PJA2: variants seen among roughly 807,000 people sequenced by gnomAD.
The protein encoded by PJA2 is praja ring finger ubiquitin ligase 2.
A neutral mutation model predicts 69.3 loss-of-function variants in PJA2; 25 were observed. The observed-to-expected ratio is 0.36, with a 90% confidence interval of 0.26 to 0.50. PJA2 has a LOEUF of 0.50. Ranked by LOEUF, PJA2 falls within the 20% of genes least tolerant of loss-of-function variation. The pLI, the probability that PJA2 is intolerant of heterozygous loss-of-function variation, is 0.96. For missense variants in PJA2, 809 were observed against 830.2 expected, an observed-to-expected ratio of 0.97 and a Z score of 0.31; for synonymous variants, 308 against 277.8, an observed-to-expected ratio of 1.11 and a Z score of -1.08.
At chr5:109,347,748 G>A (rs1762192362) in intron 7 of PJA2, among the ~76,000 whole-genome samples, 1 of 152,208 alleles carries the variant, frequency 6.6e-6, no homozygotes, top group Non-Finnish European at 1.5e-5. Context: ...GGGAAGTAGA[G>A]TGCTCCATCT....
chr5:109,380,894 C>T (rs1271217104), intron 3 of PJA2, among the ~76,000 whole-genome samples: 1 of 151,112 alleles, frequency 6.6e-6, no homozygotes, highest in Non-Finnish European at 1.5e-5. Flanking sequence ...AGGTGGATCA[C>T]TTGAGAGGTC....
At chr5:109,409,542 C>A (rs149289498) in intron 1 of PJA2, among the ~76,000 whole-genome samples, 49 of 152,202 alleles carry the variant, frequency 3.2e-4, no homozygotes, top group African/African-American at 1.1e-3. Context: ...CAGTAAAGAG[C>A]GGCAGCGAAG....
At chr5:109,387,852 C>T (rs1038326784) in intron 1 of PJA2, among the ~76,000 whole-genome samples, 1 of 152,090 alleles carries the variant, frequency 6.6e-6, no homozygotes, top group African/African-American at 2.4e-5. Flanking sequence ...TATTTACATA[C>T]ACTTTGTCTA....
intron 4 of PJA2, among the ~76,000 whole-genome samples, chr5:109,374,562 G>A (rs1450679193): frequency 6.6e-6 from 1 of 152,154 alleles, no homozygotes; most frequent in Non-Finnish European, 1.5e-5. Flanking sequence ...TATTAACAGG[G>A]CACCTGGAAC....
At chr5:109,379,922 A>G (rs1747000487) in intron 3 of PJA2, among the ~76,000 whole-genome samples, 1 of 152,150 alleles carries the variant, frequency 6.6e-6, no homozygotes, top group African/African-American at 2.4e-5. Flanking sequence ...GAGTAAAATC[A>G]TATCTATAAA....
intron 9 of PJA2, among the ~76,000 whole-genome samples, chr5:109,343,921 C>T (rs531372305): frequency 1.3e-5 from 2 of 151,788 alleles, no homozygotes; most frequent in East Asian, 3.9e-4. Flanking sequence ...CATGGCGAAA[C>T]TCTGTCTCTA....
chr5:109,392,145 T>C (rs1042999529), intron 1 of PJA2, among the ~76,000 whole-genome samples: 1 of 152,084 alleles, frequency 6.6e-6, no homozygotes, highest in Non-Finnish European at 1.5e-5. Context: ...ACCAAAGTTA[T>C]CACTAAAAAG....
intron 4 of PJA2, among the ~76,000 whole-genome samples, chr5:109,373,084 A>T (rs957290352): frequency 6.6e-6 from 1 of 151,996 alleles, no homozygotes; most frequent in African/African-American, 2.4e-5. Flanking sequence ...ACAAAGCGAG[A>T]CTGTCTCAAT....
intron 5 of PJA2, among the ~76,000 whole-genome samples, chr5:109,363,301 A>G (rs1762530711): frequency 6.6e-6 from 1 of 152,184 alleles, no homozygotes; most frequent in Non-Finnish European, 1.5e-5. Context: ...TGTAGGAGAA[A>G]CGTAAGAAAA....
chr5:109,346,838 T>A (rs1762178330), intron 7 of PJA2, among the ~76,000 whole-genome samples: 1 of 152,154 alleles, frequency 6.6e-6, no homozygotes, highest in Non-Finnish European at 1.5e-5. Context: ...ACTGTAGCAA[T>A]AGTAAATTTT....
intron 5 of PJA2, among the ~76,000 whole-genome samples, chr5:109,363,332 A>G (rs901174792): frequency 6.6e-6 from 1 of 152,194 alleles, no homozygotes; most frequent in African/African-American, 2.4e-5. Context: ...GACTACTTGA[A>G]TTTTGAAACA....
At chr5:109,399,308 T>C (rs539719139) in intron 1 of PJA2, among the ~76,000 whole-genome samples, 2 of 151,940 alleles carry the variant, frequency 1.3e-5, no homozygotes, top group African/African-American at 2.4e-5. Flanking sequence ...ACAAAGGGCT[T>C]GTGTAACACT....
At chr5:109,396,348 T>C (rs1747407918) in intron 1 of PJA2, among the ~76,000 whole-genome samples, 1 of 151,266 alleles carries the variant, frequency 6.6e-6, no homozygotes, top group Non-Finnish European at 1.5e-5. Context: ...GGCAAAATTA[T>C]ACTGAATGGT....
At chr5:109,386,033 G>C (rs1435598338) in intron 1 of PJA2, among the ~76,000 whole-genome samples, 1 of 151,826 alleles carries the variant, frequency 6.6e-6, no homozygotes, top group Non-Finnish European at 1.5e-5. Flanking sequence ...TCAGATTTTG[G>C]GGCCAGGTGC....
intron 1 of PJA2, among the ~76,000 whole-genome samples, chr5:109,393,569 G>C (rs1334729249): frequency 6.6e-6 from 1 of 151,496 alleles, no homozygotes; most frequent in Non-Finnish European, 1.5e-5. Flanking sequence ...AGGAGTTCGA[G>C]GCTGCAGTGA....
intron 1 of PJA2, among the ~76,000 whole-genome samples, chr5:109,401,906 G>A (rs1205348901): frequency 2.0e-5 from 3 of 152,086 alleles, no homozygotes; most frequent in Non-Finnish European, 4.4e-5. Flanking sequence ...ATATTACAAG[G>A]TATTATGCAT....
At chr5:109,393,450 T>C (rs1293119556) in intron 1 of PJA2, among the ~76,000 whole-genome samples, 2 of 152,124 alleles carry the variant, frequency 1.3e-5, no homozygotes, top group Non-Finnish European at 2.9e-5. Flanking sequence ...AACATATGCA[T>C]ATGATATGGT....
chr5:109,397,301 C>G (rs1747436255), intron 1 of PJA2, among the ~76,000 whole-genome samples: 1 of 152,148 alleles, frequency 6.6e-6, no homozygotes, highest in African/African-American at 2.4e-5. Flanking sequence ...TTAAGACAGA[C>G]AGCTATAACA....
rs1358984281 is a variant in PJA2 at position 109,344,800 on chromosome 5, T to C, written c.1784A>G (p.Glu595Gly). ...CACCTCAACATCCACTGCAAGAGAC[T>C]CTAAATGGGCCAGAGCAGTCTGAAA... Reference protein sequence around the residue: ...QAMETALAHLESLAVDVEVAN... With the variant: ...QAMETALAHLGSLAVDVEVAN... Residue 595 changes from glutamate to glycine, a missense_variant, in exon 8 of 10, where the codon GAG becomes GGG. Around this residue, in one of 4 missense-constraint regions of PJA2, gnomAD observed 55 missense variants for 90.7 expected, o/e 0.61. Coordinates refer to ENST00000361189, the MANE Select transcript of PJA2 (RefSeq NM_014819.5). The C allele has an allele frequency of 6.2e-7, 1 of 1,613,476 alleles. No homozygotes were observed. Among genetic ancestry groups the C allele is most frequent in the Non-Finnish European group, 8.5e-7 (1 of 1,179,560 alleles).
Sources: allele counts gnomAD v4.1 joint callset (sites outside exome capture counted in the v4.1 genomes callset), GRCh38; gene constraint gnomAD v4.1.1; regional missense constraint gnomAD v4.1.1; transcripts MANE v1.5; gene names NCBI Gene and HGNC (gene_info 2026-07-23, HGNC 2026-07-21).